Variants in FRMD4A observed in about 807,000 individuals in gnomAD.
FRMD4A encodes the protein FERM domain containing 4A.
A neutral mutation model predicts 129.1 loss-of-function variants in FRMD4A; 29 were observed. The observed-to-expected ratio is 0.22, with a 90% CI of 0.17 to 0.31. FRMD4A has a LOEUF of 0.31. Ranked by LOEUF, FRMD4A falls within the 10% of genes least tolerant of loss-of-function variation. The pLI is 1.00. For missense variants in FRMD4A, 1,272 were observed against 1,375.8 expected (o/e 0.92, Z 1.19); for synonymous variants, 634 against 571.6 (o/e 1.11, Z -1.56).
At chr10:14,261,520 C>G (rs1466343412) in intron 2 of FRMD4A, among the ~76,000 whole-genome samples, 1 of 152,178 alleles carries the variant, frequency 6.6e-6, no homozygotes, top group East Asian at 1.9e-4. Flanking sequence ...TGTCATGAAA[C>G]AGCTCTCAGA....
At chr10:13,846,356 C>T (rs2094045516) in intron 3 of FRMD4A, among the ~76,000 whole-genome samples, 1 of 152,202 alleles carries the variant, frequency 6.6e-6, no homozygotes, top group African/African-American at 2.4e-5. Context: ...CTTACATTTT[C>T]TATCATCTGG....
chr10:14,153,179 C>G (rs1840427830), intron 2 of FRMD4A, among the ~76,000 whole-genome samples: 1 of 152,156 alleles, frequency 6.6e-6, no homozygotes, highest in Admixed American at 6.5e-5. Context: ...GATGGAAATC[C>G]CTGCTCATCC....
chr10:14,078,925 C>A (rs151094869), intron 2 of FRMD4A, among the ~76,000 whole-genome samples: 606 of 152,258 alleles, frequency 4.0e-3, no homozygotes, highest in Non-Finnish European at 7.0e-3. Flanking sequence ...AGGTGTCCTG[C>A]GAATTCTCCA....
intron 16 of FRMD4A, among the ~76,000 whole-genome samples, chr10:13,673,856 G>C (rs773481477): frequency 7.0e-6 from 1 of 143,298 alleles, no homozygotes; most frequent in African/African-American, 2.7e-5. Context: ...GCTCACTGCA[G>C]TCTCAACCTT....
chr10:13,792,860 G>A (rs1303107670), intron 5 of FRMD4A, among the ~76,000 whole-genome samples: 1 of 152,220 alleles, frequency 6.6e-6, no homozygotes, highest in East Asian at 1.9e-4. Context: ...CCTGCAGCCT[G>A]ATACTTGCCT....
At chr10:13,769,238 T>TGTGC (rs1491519246) in intron 6 of FRMD4A, among the ~76,000 whole-genome samples, 10 of 148,132 alleles carry the variant, frequency 6.8e-5, no homozygotes, top group African/African-American at 2.3e-4. Context: ...TGTGTGTGTG[T>TGTGC]GCGTATGTGT....
At chr10:13,947,276 T>C (rs1229750952) in intron 2 of FRMD4A, among the ~76,000 whole-genome samples, 1 of 152,190 alleles carries the variant, frequency 6.6e-6, no homozygotes, top group Non-Finnish European at 1.5e-5. Flanking sequence ...GCACTCTCTA[T>C]ATACACTTAA....
At chr10:14,123,168 T>G (rs1838633497) in intron 2 of FRMD4A, among the ~76,000 whole-genome samples, 2 of 152,058 alleles carry the variant, frequency 1.3e-5, no homozygotes, top group African/African-American at 4.8e-5. Context: ...CGAGGCTGCA[T>G]GACCCTTGCA....
At chr10:14,037,096 T>C (rs1460733497) in intron 2 of FRMD4A, among the ~76,000 whole-genome samples, 23 of 152,250 alleles carry the variant, frequency 1.5e-4, no homozygotes, top group Admixed American at 1.5e-3. Context: ...TCTTGAGATA[T>C]TCTAATCAGA....
intron 2 of FRMD4A, among the ~76,000 whole-genome samples, chr10:13,915,860 G>T (rs2094997271): frequency 6.6e-6 from 1 of 152,150 alleles, no homozygotes; most frequent in South Asian, 2.1e-4. Flanking sequence ...CCTGTGGGCG[G>T]TTGGCCTCCT....
chr10:13,848,684 A>C (rs933832881), intron 3 of FRMD4A, among the ~76,000 whole-genome samples: 1 of 151,608 alleles, frequency 6.6e-6, no homozygotes, highest in Non-Finnish European at 1.5e-5. Context: ...AATCTGCTGT[A>C]TCCTGATGCT....
intron 2 of FRMD4A, among the ~76,000 whole-genome samples, chr10:13,931,419 G>T (rs1213602491): frequency 6.6e-6 from 1 of 152,008 alleles, no homozygotes; most frequent in Non-Finnish European, 1.5e-5. Flanking sequence ...CCATTGCTGT[G>T]CCCCCCGAGG....
Position 13,784,291 on chromosome 10 carries a change from T to C in FRMD4A, c.300-1285A>G, listed in dbSNP as rs939579977. On this transcript the variant is annotated intron_variant, in intron 5 of 24. Coordinates refer to ENST00000357447, the MANE Select transcript of FRMD4A (RefSeq NM_018027.5). ...TGTGTGACTCAGGGCAGTCACATCA[T>C]CCTGCTGGGCTTCTGTTCTTCAGAC... Among the ~76,000 whole-genome samples the C allele has an allele frequency of 3.3e-5, 5 of 152,354 alleles. No homozygotes were observed. The South Asian group carries it at 6.2e-4, about 19-fold the overall frequency.
chr10:13,711,004 G>A (rs2015442), intron 12 of FRMD4A, among the ~76,000 whole-genome samples: 151,818 of 152,296 alleles, frequency 1, 75,671 homozygotes, highest in Middle Eastern at 1. Flanking sequence ...ACACAGCAAG[G>A]CTCCTTCTTA....
At chr10:13,760,084 A>G (rs909069425) in intron 8 of FRMD4A, among the ~76,000 whole-genome samples, 8 of 152,070 alleles carry the variant, frequency 5.3e-5, no homozygotes, top group Non-Finnish European at 1.2e-4. Flanking sequence ...CATTTATATG[A>G]AATTCATATT....
At chr10:13,657,961 T>C (rs2082315227) in intron 21 of FRMD4A, among the ~76,000 whole-genome samples, 1 of 151,488 alleles carries the variant, frequency 6.6e-6, no homozygotes, top group African/African-American at 2.4e-5. Context: ...TGCAACACTG[T>C]AAGACCTCAT....
chr10:14,011,254 G>T (rs10906566), intron 2 of FRMD4A, among the ~76,000 whole-genome samples: 59,958 of 152,002 alleles, frequency 0.39, 13,973 homozygotes, highest in Non-Finnish European at 0.54. Context: ...ATAGGAAATT[G>T]TTAGATTGAG....
intron 2 of FRMD4A, among the ~76,000 whole-genome samples, chr10:14,188,347 T>C (rs1033605748): frequency 1.3e-5 from 2 of 152,142 alleles, no homozygotes; most frequent in African/African-American, 4.8e-5. Flanking sequence ...ATCCTACAAT[T>C]GGGCACATAG....
chr10:14,221,529 C>T (rs923100562), intron 2 of FRMD4A, among the ~76,000 whole-genome samples: 1 of 152,108 alleles, frequency 6.6e-6, no homozygotes, highest in African/African-American at 2.4e-5. Context: ...TGCTTTAGCC[C>T]TAACATCATT....
Sources: gnomAD v4.1 joint callset for allele counts (sites outside exome capture counted in the v4.1 genomes callset) on GRCh38, gnomAD v4.1.1 for gene constraint, MANE v1.5 for transcripts, NCBI Gene and HGNC (gene_info 2026-07-23, HGNC 2026-07-21) for gene names.